The following ACVR2A variants were observed in gnomAD, a reference collection of about 807,000 sequenced individuals.
ACVR2A encodes the protein activin A receptor type 2A, also known as activin receptor type-2A.
ACVR2A carries 7 observed loss-of-function variants against 61.4 expected under a neutral mutation model. The observed-to-expected ratio is 0.11, with a 90% CI of 0.06 to 0.21. The LOEUF (loss-of-function observed/expected upper bound fraction) is 0.21. ACVR2A is among the 10% of genes least tolerant of loss of function. ACVR2A has a pLI of 1.00. For missense variants in ACVR2A, 322 were observed against 621.7 expected (o/e 0.52, Z 5.13); for synonymous variants, 193 against 208.3 (o/e 0.93, Z 0.63).
At chr2:147,922,312 A>G (rs1173273496) in intron 8 of ACVR2A, among the ~76,000 whole-genome samples, 1 of 152,132 alleles carries the variant, frequency 6.6e-6, no homozygotes, top group Non-Finnish European at 1.5e-5. Flanking sequence ...ACGTACCAAT[A>G]TCTAGACTAC....
chr2:147,850,376 C>T (rs571895023), intron 1 of ACVR2A, among the ~76,000 whole-genome samples: 5 of 152,128 alleles, frequency 3.3e-5, no homozygotes, highest in East Asian at 1.9e-4. Flanking sequence ...TGGACTACCT[C>T]GCACACCCTC....
chr2:147,888,473 A>G (rs1206581036), intron 1 of ACVR2A, among the ~76,000 whole-genome samples: 4 of 152,168 alleles, frequency 2.6e-5, no homozygotes, highest in Non-Finnish European at 5.9e-5. Flanking sequence ...TAAAATTTTA[A>G]TCATAGGGAT....
chr2:147,852,401 C>T (rs1006206489), intron 1 of ACVR2A, among the ~76,000 whole-genome samples: 11 of 151,954 alleles, frequency 7.2e-5, no homozygotes, highest in African/African-American at 2.4e-4. Context: ...ATTGTAAATC[C>T]CTAAAACCAG....
rs17692286 is a variant in ACVR2A, at chr2:147,919,139, C to T, written c.962+547C>T. ...TTGCCATGTATTTAATTTTCTTGAA[C>T]GTGGGATTCAATTTGTTGTCTTGTG... On this transcript the variant is annotated intron_variant, in intron 7 of 10. Coordinates refer to ENST00000241416, the MANE Select transcript of ACVR2A (RefSeq NM_001616.5). Among the ~76,000 whole-genome samples the T allele has an allele frequency of 4.2e-3, 645 of 152,176 alleles. 1 individual carries two copies. Among genetic ancestry groups the T allele is most frequent in the Non-Finnish European group, 6.4e-3 (436 of 67,968 alleles).
intron 1 of ACVR2A, among the ~76,000 whole-genome samples, chr2:147,865,891 A>G (rs1685840611): frequency 6.6e-6 from 1 of 152,176 alleles, no homozygotes; most frequent in Non-Finnish European, 1.5e-5. Flanking sequence ...GAGTGGGGTC[A>G]GGTAATTTTT....
chr2:147,927,258 A>G lies in ACVR2A; in HGVS notation c.1526A>G (p.Lys509Arg). 2 of 1,611,156 alleles carry G rather than the reference A, an allele frequency of 1.2e-6. No homozygotes were observed. The highest frequency in any genetic ancestry group is 2.2e-5 in the South Asian group (2 of 90,874). The change falls in exon 11 of 11, where the codon AAA (lysine) becomes AGA (arginine). Residue 509 changes from lysine to arginine, a missense_variant. Physicochemically the swap from Lys to Arg is conservative, Grantham distance 26. Coordinates refer to ENST00000241416, the MANE Select transcript of ACVR2A (RefSeq NM_001616.5). ...TMVTNVDFPP[K>R]ESSL is the part of the protein sequence containing the mutation. Reference sequence around the variant, plus strand: ...GTGACAAATGTTGACTTTCCTCCCAAAGAATCTAGTCTATGATGGTTGCGC... The same window carrying G: ...GTGACAAATGTTGACTTTCCTCCCAGAGAATCTAGTCTATGATGGTTGCGC...
chr2:147,926,663 A>T (rs1414273741), intron 10 of ACVR2A, among the ~76,000 whole-genome samples: 6 of 151,896 alleles, frequency 4.0e-5, no homozygotes, highest in African/African-American at 1.4e-4. Flanking sequence ...TATAACTAGA[A>T]ACCTGGCTAA....
In ACVR2A at chr2:147,929,361, A is replaced by AACTT. The variant is rs1411382167; in HGVS notation, c.*2088_*2091dup. On this transcript the variant is annotated 3_prime_UTR_variant, in exon 11 of 11. Coordinates refer to ENST00000241416, the MANE Select transcript of ACVR2A (RefSeq NM_001616.5). Reference sequence around the variant, plus strand: ...GAATTTCTACCTGTTGTGAACATTTAACTTTCTTTTTAAAAGTTAAACAAA... The same window carrying AACTT: ...GAATTTCTACCTGTTGTGAACATTTAACTTACTTTCTTTTTAAAAGTTAAACAAA... The AACTT allele has an allele frequency of 2.1e-5, 3 of 143,154 alleles. No individual in the cohort carries two copies. The highest frequency in any genetic ancestry group is 4.6e-5 in the Non-Finnish European group (3 of 65,276). The allele number at this position is 143,154 out of a possible 1,614,324, so 8.9% of individuals were successfully genotyped here.
In ACVR2A at chr2:147,848,752, C is replaced by T. The variant is rs552158361; in HGVS notation, c.55+3545C>T. Among the ~76,000 whole-genome samples the T allele has an allele frequency of 2.0e-5, 3 of 151,968 alleles. No individual in the cohort carries two copies. In the South Asian group the frequency reaches 6.2e-4, roughly 32 times the overall value. On this transcript the variant is annotated intron_variant, in intron 1 of 10. Coordinates refer to ENST00000241416, the MANE Select transcript of ACVR2A (RefSeq NM_001616.5). ...TAATGAAGTAATCTGCACAGCAAAC[C>T]CCATTATACGAGTTTACCCATGTAA...
At chr2:147,890,290 A>C (rs1412880575) in intron 1 of ACVR2A, among the ~76,000 whole-genome samples, 1 of 151,334 alleles carries the variant, frequency 6.6e-6, no homozygotes, top group Admixed American at 6.6e-5. Context: ...ATGTCAGTTC[A>C]TGCTATTTTT....
At position 147,918,181 on chromosome 2, in the gene ACVR2A, A is replaced by C. The variant is rs574792098; in HGVS notation, c.817-266A>C. On this transcript the variant is annotated intron_variant, in intron 6 of 10. Coordinates refer to ENST00000241416, the MANE Select transcript of ACVR2A (RefSeq NM_001616.5). The stretch of plus-strand genomic sequence containing the variant: ...TCAACTAGTCTTTAAAAAAAAAAAA[A>C]AACAAACTTGTCTTATAGATTGGTG... 2.0e-3 allele frequency among the ~76,000 whole-genome samples: 299 copies of C among 151,894 alleles called. 2 individuals are homozygous for C. Among genetic ancestry groups the C allele is most frequent in the Non-Finnish European group, 3.3e-3 (223 of 67,852 alleles).
chr2:147,915,735 A>G (rs1400702334), intron 5 of ACVR2A, among the ~76,000 whole-genome samples: 1 of 151,964 alleles, frequency 6.6e-6, no homozygotes, highest in Non-Finnish European at 1.5e-5. Flanking sequence ...GAGGTATATC[A>G]CCAGACTTGA....
chr2:147,859,729 A>G (rs980742307), intron 1 of ACVR2A, among the ~76,000 whole-genome samples: 9 of 152,006 alleles, frequency 5.9e-5, no homozygotes, highest in African/African-American at 2.2e-4. Flanking sequence ...AGGCGCATGA[A>G]AAGTGTAAAG....
chr2:147,856,654 G>A (rs1248125634), intron 1 of ACVR2A, among the ~76,000 whole-genome samples: 1 of 152,050 alleles, frequency 6.6e-6, no homozygotes, highest in East Asian at 1.9e-4. Context: ...AAGTCAATGA[G>A]TAAATGAGGA....
intron 2 of ACVR2A, chr2:147,896,784 T>C (rs1023091670): frequency 2.6e-5 from 7 of 271,926 alleles, no homozygotes; most frequent in Non-Finnish European, 4.9e-5. Context: ...TTGTTACGAT[T>C]ATAAACTTTT....
chr2:147,920,827 A>G (rs895052951), intron 8 of ACVR2A, among the ~76,000 whole-genome samples: 5 of 152,030 alleles, frequency 3.3e-5, no homozygotes, highest in Admixed American at 2.6e-4. Flanking sequence ...CTTTTCTCCA[A>G]ATTCTCTCCA....
At chr2:147,844,966 CTTTTTTTTCTTTT>C (rs1411031216), upstream of ACVR2A, 1 of 348,414 alleles carries the variant, frequency 2.9e-6, no homozygotes. Flanking sequence ...TCGTTGTGCT[CTTTTTTTTCTTTT>C]TTTTTTTTAA....
intron 4 of ACVR2A, among the ~76,000 whole-genome samples, chr2:147,909,664 G>GCTTTATTT: frequency 6.6e-6 from 1 of 151,946 alleles, no homozygotes; most frequent in East Asian, 1.9e-4. Context: ...TGGAGATGAG[G>GCTTTATTT]TATCACTCTG....
chr2:147,883,175 GT>G (rs915247326), intron 1 of ACVR2A, among the ~76,000 whole-genome samples: 9 of 151,908 alleles, frequency 5.9e-5, no homozygotes, highest in African/African-American at 9.7e-5. Flanking sequence ...AGTAAAATGA[GT>G]TTTTTTGTTT....
Sources: allele counts gnomAD v4.1 joint callset (sites outside exome capture counted in the v4.1 genomes callset), GRCh38; gene constraint gnomAD v4.1.1; transcripts MANE v1.5; gene names NCBI Gene and HGNC (gene_info 2026-07-23, HGNC 2026-07-21).